The following NKAIN2 variants were observed in gnomAD, a reference collection of about 807,000 sequenced individuals.
The protein encoded by NKAIN2 is sodium/potassium-transporting ATPase subunit beta-1-interacting protein 2.
Under a neutral mutation model 32.6 loss-of-function variants are expected in NKAIN2, and 14 were observed. The observed-to-expected ratio is 0.43, with a 90% CI of 0.28 to 0.67. The LOEUF (loss-of-function observed/expected upper bound fraction) is 0.67, where lower values mean the gene tolerates loss of function less well. Among genes scored for constraint, NKAIN2 ranks in the 30% least tolerant of loss-of-function variants. The pLI is 0.17. For synonymous variants in NKAIN2, 80 were observed against 87.2 expected (o/e 0.92, Z 0.46); for missense variants, 198 against 258.3 (o/e 0.77, Z 1.60).
chr6:124,487,782 C>G (rs1777710433), intron 3 of NKAIN2, among the ~76,000 whole-genome samples: 1 of 151,970 alleles, frequency 6.6e-6, no homozygotes, highest in Non-Finnish European at 1.5e-5. Context: ...AATATCTGTT[C>G]CAAGTGTATT....
intron 3 of NKAIN2, among the ~76,000 whole-genome samples, chr6:124,576,688 T>TAA (rs577809425): frequency 6.6e-6 from 1 of 151,404 alleles, no homozygotes; most frequent in South Asian, 2.1e-4. Context: ...AATTTCAATG[T>TAA]AAAAAAAAAC....
rs545929871 is a variant in NKAIN2, at chr6:124,712,683, C to T, written c.474+54297C>T. 1.2e-3 allele frequency among the ~76,000 whole-genome samples: 180 copies of T among 151,800 alleles called. 2 individuals are homozygous for T. Among genetic ancestry groups the T allele is most frequent in the Non-Finnish European group, 3.1e-4 (21 of 67,982 alleles). ...GCCTGGCCCTGCTTCGGCTCGTGCA[C>T]GGTGTGCGCACCCACTGACCGGCAC... is the stretch of plus-strand genomic sequence containing the variant. On this transcript the variant is annotated intron_variant, in intron 4 of 6. Coordinates refer to ENST00000368417, the MANE Select transcript of NKAIN2 (RefSeq NM_001040214.3).
intron 1 of NKAIN2, among the ~76,000 whole-genome samples, chr6:124,038,772 G>A (rs1400647971): frequency 6.6e-6 from 1 of 152,082 alleles, no homozygotes; most frequent in Non-Finnish European, 1.5e-5. Context: ...TACCCAAGAA[G>A]TTTCATTTTA....
chr6:124,476,869 CTAGATATGAAT>C (rs981248637), intron 3 of NKAIN2, among the ~76,000 whole-genome samples: 22 of 152,064 alleles, frequency 1.4e-4, no homozygotes, highest in Admixed American at 6.6e-5. Context: ...GGGGTGGACC[CTAGATATGAAT>C]TTAGGCAAGC....
At chr6:124,278,056 A>T (rs1031725518) in intron 1 of NKAIN2, among the ~76,000 whole-genome samples, 1 of 152,186 alleles carries the variant, frequency 6.6e-6, no homozygotes, top group Non-Finnish European at 1.5e-5. Context: ...TTAGTTATGA[A>T]CAAAATGCAA....
chr6:124,503,664 C>T (rs1387712960), intron 3 of NKAIN2, among the ~76,000 whole-genome samples: 2 of 152,064 alleles, frequency 1.3e-5, no homozygotes, highest in African/African-American at 2.4e-5. Flanking sequence ...CAGATATTTA[C>T]CAAACACCTA....
intron 4 of NKAIN2, among the ~76,000 whole-genome samples, chr6:124,786,123 G>A (rs1221319083): frequency 6.6e-6 from 1 of 152,016 alleles, no homozygotes; most frequent in Non-Finnish European, 1.5e-5. Context: ...AGGGTTTACT[G>A]GGGCTTTTAA....
intron 1 of NKAIN2, among the ~76,000 whole-genome samples, chr6:124,216,021 G>A (rs1263630174): frequency 2.6e-5 from 4 of 151,686 alleles, no homozygotes; most frequent in Non-Finnish European, 5.9e-5. Context: ...GGGAGGCTGA[G>A]GCAGGAGAAT....
chr6:124,001,127 A>G (rs1214141556), intron 1 of NKAIN2, among the ~76,000 whole-genome samples: 1 of 152,112 alleles, frequency 6.6e-6, no homozygotes, highest in Non-Finnish European at 1.5e-5. Context: ...GGTACCATCC[A>G]ATGGTGCTGA....
At chr6:123,809,916 A>AT (rs1269320877) in intron 1 of NKAIN2, among the ~76,000 whole-genome samples, 4 of 152,162 alleles carry the variant, frequency 2.6e-5, no homozygotes, top group Non-Finnish European at 5.9e-5. Flanking sequence ...AACTCCTTGA[A>AT]ATGCTACATA....
intron 1 of NKAIN2, among the ~76,000 whole-genome samples, chr6:124,227,961 AG>A (rs1470455603): frequency 6.6e-6 from 1 of 152,168 alleles, no homozygotes; most frequent in Non-Finnish European, 1.5e-5. Flanking sequence ...TCAGGGTGCT[AG>A]CATGGTTGGG....
chr6:124,818,492 C>T (rs768673282), intron 6 of NKAIN2, 24 bp downstream of exon 6: 1 of 1,181,620 alleles, frequency 8.5e-7, no homozygotes, highest in South Asian at 1.3e-5. Flanking sequence ...TTGGAAGGTA[C>T]TCTTCTGGGG....
chr6:124,239,854 C>G (rs1192622412), intron 1 of NKAIN2, among the ~76,000 whole-genome samples: 1 of 151,934 alleles, frequency 6.6e-6, no homozygotes, highest in Non-Finnish European at 1.5e-5. Flanking sequence ...GCAAGGCAAA[C>G]AAATTCAAAA....
Position 124,011,165 on chromosome 6 carries a change from A to G in NKAIN2, c.54+206911A>G, listed in dbSNP as rs185455689. ...ACCATTTGACTTCTTTCTGGCCACTATTAGTAAACTCTTCCTTCTTTTGTT... is the reference window on the plus strand; with the variant it reads ...ACCATTTGACTTCTTTCTGGCCACTGTTAGTAAACTCTTCCTTCTTTTGTT... On this transcript the variant is annotated intron_variant, in intron 1 of 6. Coordinates refer to ENST00000368417, the MANE Select transcript of NKAIN2 (RefSeq NM_001040214.3). 4.4e-3 allele frequency among the ~76,000 whole-genome samples: 671 copies of G among 152,244 alleles called. 6 individuals are homozygous for G. Among genetic ancestry groups the G allele is most frequent in the African/African-American group, 0.015 (623 of 41,558 alleles).
At chr6:124,201,714 C>T (rs866384849) in intron 1 of NKAIN2, among the ~76,000 whole-genome samples, 6 of 152,074 alleles carry the variant, frequency 3.9e-5, no homozygotes, top group Middle Eastern at 3.4e-3. Flanking sequence ...TTCGTTTTCA[C>T]GTCCTTTCAA....
intron 1 of NKAIN2, among the ~76,000 whole-genome samples, chr6:123,888,833 A>G (rs1773859446): frequency 6.6e-6 from 1 of 152,108 alleles, no homozygotes; most frequent in Non-Finnish European, 1.5e-5. Context: ...CATACTTGAG[A>G]AAAACAGCCT....
At chr6:124,351,101 T>C (rs1431214430) in intron 2 of NKAIN2, among the ~76,000 whole-genome samples, 3 of 152,208 alleles carry the variant, frequency 2.0e-5, no homozygotes, top group African/African-American at 4.8e-5. Context: ...TAAATTGTAT[T>C]TTAGATCAAA....
chr6:124,681,929 A>C (rs1205595290), intron 4 of NKAIN2, among the ~76,000 whole-genome samples: 1 of 152,028 alleles, frequency 6.6e-6, no homozygotes, highest in Non-Finnish European at 1.5e-5. Flanking sequence ...ATTTGCAAAG[A>C]AACCATGAAA....
At chr6:124,459,971 TTA>T (rs1257083239) in intron 3 of NKAIN2, among the ~76,000 whole-genome samples, 1 of 151,762 alleles carries the variant, frequency 6.6e-6, no homozygotes. Flanking sequence ...CTGACCTACT[TTA>T]TATTGGATTC....
Sources: gnomAD v4.1 joint callset for allele counts (sites outside exome capture counted in the v4.1 genomes callset) on GRCh38, gnomAD v4.1.1 for gene constraint, MANE v1.5 for transcripts, NCBI Gene and HGNC (gene_info 2026-07-23, HGNC 2026-07-21) for gene names.